The following DAO variants were observed in gnomAD, a reference collection of about 807,000 sequenced individuals.
DAO encodes D-amino-acid oxidase.
In DAO, 51 loss-of-function variants were observed where a neutral mutation model predicts 50.1. That is an observed-to-expected ratio of 1.02 (90% confidence interval 0.81 to 1.29). DAO has a LOEUF of 1.29. Ranked by LOEUF, DAO falls within the 50% of genes most tolerant of loss-of-function variation. DAO has a pLI of 0.00. For missense variants in DAO, 436 were observed against 439.4 expected, an observed-to-expected ratio of 0.99 and a Z score of 0.07; for synonymous variants, 160 against 166.2, an observed-to-expected ratio of 0.96 and a Z score of 0.29.
intron 3 of DAO, among the ~76,000 whole-genome samples, chr12:108,889,028 A>T (rs1405664310): frequency 6.6e-6 from 1 of 152,230 alleles, no homozygotes; most frequent in Non-Finnish European, 1.5e-5. Context: ...CTTCTTGTGA[A>T]GATTAAATGG....
chr12:108,884,335 G>C (rs2137339581), intron 1 of DAO, among the ~76,000 whole-genome samples: 1 of 152,322 alleles, frequency 6.6e-6, no homozygotes, highest in East Asian at 1.9e-4. Context: ...TCACCTCTCT[G>C]AACCACAGTT....
intron 1 of DAO, among the ~76,000 whole-genome samples, chr12:108,882,302 C>T (rs1422710564): frequency 6.6e-6 from 1 of 152,164 alleles, no homozygotes; most frequent in Admixed American, 6.5e-5. Context: ...CACCTGAGGT[C>T]AGAAGTTTGA....
intron 5 of DAO, among the ~76,000 whole-genome samples, chr12:108,891,869 G>C (rs779549308): frequency 8.5e-5 from 13 of 152,094 alleles, no homozygotes; most frequent in Non-Finnish European, 1.5e-4. Context: ...CAAAGTGCTG[G>C]GATTACAGGC....
At position 108,899,429 on chromosome 12, in the gene DAO, T is replaced by C. The variant is rs1226206590; in HGVS notation, c.866T>C (p.Ile289Thr). The C allele has an allele frequency of 3.1e-6, 5 of 1,613,792 alleles. No individual in the cohort carries two copies. The highest frequency in any genetic ancestry group is 4.2e-6 in the Non-Finnish European group (5 of 1,179,942). The part of the protein sequence containing the change: ...RTGFRPVRPQ[I>T]RLEREQLRTG... Reference sequence around the variant, plus strand: ...GGCTTCCGGCCAGTACGCCCCCAGATTCGGCTAGAAAGAGAACAGCTTCGC... The same window carrying C: ...GGCTTCCGGCCAGTACGCCCCCAGACTCGGCTAGAAAGAGAACAGCTTCGC... Residue 289 changes from isoleucine to threonine, a missense_variant, in exon 10 of 11, where the codon ATT becomes ACT. Physicochemically the swap from Ile to Thr is moderately conservative, Grantham distance 89. Transcript: ENST00000228476.
At chr12:108,889,593 C>G (rs778569974) in intron 4 of DAO, 48 bp downstream of exon 4, 21 of 1,433,748 alleles carry the variant, frequency 1.5e-5, no homozygotes, top group Non-Finnish European at 2.9e-6. Flanking sequence ...GACGAGTTAG[C>G]AGACCTGTCC....
chr12:108,899,372 T>G lies in DAO; in HGVS notation c.814-5T>G, dbSNP rs929207744. Reference sequence around the variant, plus strand: ...GAAATGAGTGATCAGCACTTTTCTTTCCAGAATGCAAGAATTATTGGTGAA... The same window carrying G: ...GAAATGAGTGATCAGCACTTTTCTTGCCAGAATGCAAGAATTATTGGTGAA... On this transcript the variant is annotated splice_polypyrimidine_tract_variant and splice_region_variant and intron_variant, in intron 9 of 10. Coordinates refer to ENST00000228476, the MANE Select transcript of DAO (RefSeq NM_001917.5). 4.3e-6 allele frequency: 7 copies of G among 1,611,924 alleles called. No homozygotes were observed. The highest frequency in any genetic ancestry group is 5.9e-6 in the Non-Finnish European group (7 of 1,178,802).
chr12:108,899,261 CT>C, intron 9 of DAO, 115 bp from the exon 10 acceptor site: 1 of 728,502 alleles, frequency 1.4e-6, no homozygotes, highest in Middle Eastern at 2.3e-4. Flanking sequence ...ATAAAGATGA[CT>C]GTGATTATAT....
At position 108,887,351 on chromosome 12, in the gene DAO, C is replaced by T. The variant is rs75861794; in HGVS notation, c.195-99C>T. ...GTGGATTTCTGGGTTTTGGACACACCCCAAGCTCCTGATCATGCCACAGCC... is the reference window on the plus strand; with the variant it reads ...GTGGATTTCTGGGTTTTGGACACACTCCAAGCTCCTGATCATGCCACAGCC... On this transcript the variant is annotated intron_variant, in intron 2 of 10. Transcript: ENST00000228476. 27,138 of 875,270 alleles carry T rather than the reference C, an allele frequency of 0.031. 1,481 individuals are homozygous for T. The highest frequency in any genetic ancestry group is 0.2 in the African/African-American group (12,432 of 60,732). 54.2% of individuals were successfully genotyped at this position (875,270 alleles called of 1,614,324 possible).
chr12:108,885,030 A>C lies in DAO; in HGVS notation c.24A>C (p.Ala8=). Reference sequence around the variant, plus strand: ...CAATGCGTGTGGTGGTGATTGGAGCAGGAGTCATCGGGCTGTCCACCGCCC... The same window carrying C: ...CAATGCGTGTGGTGGTGATTGGAGCCGGAGTCATCGGGCTGTCCACCGCCC... MRVVVIG[A]GVIGLSTALC... Residue 8 remains alanine (A), a synonymous_variant, in exon 2 of 11, where the codon GCA becomes GCC. Coordinates refer to ENST00000228476, the MANE Select transcript of DAO (RefSeq NM_001917.5). The C allele has an allele frequency of 6.2e-7, 1 of 1,614,132 alleles. No homozygotes were observed. The highest frequency in any genetic ancestry group is 8.5e-7 in the Non-Finnish European group (1 of 1,180,028).
chr12:108,886,099 G>A (rs1217668651), intron 2 of DAO, among the ~76,000 whole-genome samples: 1 of 150,870 alleles, frequency 6.6e-6, no homozygotes, highest in Non-Finnish European at 1.5e-5. Context: ...TGTTGCCCGG[G>A]CTGGTCTTGA....
intron 1 of DAO, among the ~76,000 whole-genome samples, chr12:108,881,219 T>A (rs1398320077): frequency 7.1e-6 from 1 of 141,164 alleles, no homozygotes; most frequent in African/African-American, 2.8e-5. Context: ...TCCCAGCTGT[T>A]TGCATCTTCT....
At chr12:108,898,074 T>C (rs1267893006) in intron 8 of DAO, among the ~76,000 whole-genome samples, 1 of 152,012 alleles carries the variant, frequency 6.6e-6, no homozygotes, top group Non-Finnish European at 1.5e-5. Context: ...GTGGTGTTCA[T>C]GGGATGACAA....
chr12:108,899,092 G>A (rs1378912663), intron 9 of DAO, among the ~76,000 whole-genome samples: 1 of 152,050 alleles, frequency 6.6e-6, no homozygotes, highest in Non-Finnish European at 1.5e-5. Context: ...TGCTGAGAAT[G>A]GTAATAGTGA....
chr12:108,885,113 C>T lies in DAO; in HGVS notation c.107C>T (p.Ala36Val), dbSNP rs115153469. Residue 36 changes from alanine to valine, a missense_variant, in exon 2 of 11, where the codon GCG becomes GTG. Coordinates refer to ENST00000228476, the MANE Select transcript of DAO (RefSeq NM_001917.5). ...VLQPLDIKVY[A>V]DRFTPLTTTD... ...CAGCCACTGGACATAAAGGTCTACG[C>T]GGACCGCTTCACCCCACTCACCACC... The T allele has an allele frequency of 2.1e-5, 34 of 1,613,818 alleles. No homozygotes were observed. The highest frequency in any genetic ancestry group is 2.7e-5 in the African/African-American group (2 of 75,048).
rs780820095 is a variant in DAO, at chr12:108,898,676, T to C, written c.696-3T>C. On this transcript the variant is annotated splice_polypyrimidine_tract_variant and splice_region_variant and intron_variant, in intron 8 of 10. Transcript: ENST00000228476. ...ATCCTTGACCCTCCTCATTTGTATC[T>C]AGGACCCAGACAGTTACTCTTGGAG... 2 of 1,598,398 alleles carry C rather than the reference T, an allele frequency of 1.3e-6. No individual in the cohort carries two copies. The highest frequency in any genetic ancestry group is 1.7e-6 in the Non-Finnish European group (2 of 1,165,750).
At chr12:108,900,224 C>T (rs980058275) in intron 10 of DAO, 180 bp from the exon 11 acceptor site, 11 of 656,486 alleles carry the variant, frequency 1.7e-5, no homozygotes, top group Non-Finnish European at 2.9e-5. Flanking sequence ...CCCATCATCT[C>T]TTGCAACTGT....
chr12:108,899,377 A>C lies in DAO; in HGVS notation c.814A>C (p.Asn272His). 1.9e-6 allele frequency: 3 copies of C among 1,612,556 alleles called. No individual in the cohort carries two copies. Among genetic ancestry groups the C allele is most frequent in the Non-Finnish European group, 2.5e-6 (3 of 1,179,136 alleles). ...GCCRLEPTLK[N>H]ARIIGERTGF... ...GAGTGATCAGCACTTTTCTTTCCAGAATGCAAGAATTATTGGTGAACGAAC... is the reference window on the plus strand; with the variant it reads ...GAGTGATCAGCACTTTTCTTTCCAGCATGCAAGAATTATTGGTGAACGAAC... Residue 272 changes from asparagine to histidine, a missense_variant and splice_region_variant, in exon 10 of 11, where the codon AAT becomes CAT. Asn to His is a moderately conservative substitution (Grantham distance 68). Coordinates refer to ENST00000228476, the MANE Select transcript of DAO (RefSeq NM_001917.5).
chr12:108,892,218 A>G (rs1347424752), intron 5 of DAO, among the ~76,000 whole-genome samples: 18 of 133,814 alleles, frequency 1.3e-4, no homozygotes, highest in African/African-American at 5.3e-4. Context: ...GCTGGAGAGC[A>G]GTGGCGCAAT....
intron 3 of DAO, 152 bp from the exon 4 acceptor site, chr12:108,889,317 C>A: frequency 1.7e-6 from 1 of 580,912 alleles, no homozygotes; most frequent in Non-Finnish European, 3.3e-6. Flanking sequence ...ACCATGTTGG[C>A]CAGACTGGTC....
Sources: allele counts gnomAD v4.1 joint callset (sites outside exome capture counted in the v4.1 genomes callset), GRCh38; gene constraint gnomAD v4.1.1; transcripts MANE v1.5; gene names NCBI Gene and HGNC (gene_info 2026-07-23, HGNC 2026-07-21).